The following FGFR2 variants were observed in gnomAD, a reference collection of about 807,000 sequenced individuals.
FGFR2 encodes the protein fibroblast growth factor receptor 2.
In FGFR2, 19 loss-of-function variants were observed where a neutral mutation model predicts 95.9. The ratio of observed to expected loss-of-function variants is 0.20; its 90% CI spans 0.14 to 0.29. FGFR2 has a LOEUF of 0.29. Among genes scored for constraint, FGFR2 ranks in the 10% least tolerant of loss-of-function variants. The probability of loss-of-function intolerance (pLI) is 1.00; values close to 1 mark genes in which losing one functional copy is unlikely to be tolerated. For missense variants in FGFR2, 707 were observed against 1,056.9 expected, an observed-to-expected ratio of 0.67 and a Z score of 4.59; for synonymous variants, 392 against 393.3, an observed-to-expected ratio of 1.00 and a Z score of 0.04.
At chr10:121,553,766 A>G (rs144459188) in intron 4 of FGFR2, among the ~76,000 whole-genome samples, 171 of 152,330 alleles carry the variant, frequency 1.1e-3, no homozygotes, top group African/African-American at 3.8e-3. Context: ...AAATCAACAG[A>G]TATGTGCTTA....
At chr10:121,586,215 G>C (rs1377430875) in intron 2 of FGFR2, among the ~76,000 whole-genome samples, 3 of 152,328 alleles carry the variant, frequency 2.0e-5, no homozygotes, top group East Asian at 1.9e-4. Flanking sequence ...AATTGATATA[G>C]AGTTTATTAA....
intron 9 of FGFR2, among the ~76,000 whole-genome samples, chr10:121,514,483 C>T (rs533192631): frequency 3.9e-5 from 6 of 152,270 alleles, no homozygotes; most frequent in African/African-American, 1.2e-4. Flanking sequence ...TGGTTCCATA[C>T]AAATATTCTA....
intron 15 of FGFR2, among the ~76,000 whole-genome samples, chr10:121,487,069 C>A (rs1443240110): frequency 6.6e-6 from 1 of 152,192 alleles, no homozygotes. Flanking sequence ...AATTAGATAA[C>A]CGCTTTGTAG....
chr10:121,548,265 T>G (rs1253480517), intron 5 of FGFR2, among the ~76,000 whole-genome samples: 1 of 135,346 alleles, frequency 7.4e-6, no homozygotes. Flanking sequence ...TTTTTTTTTT[T>G]TTTTTTTTTT....
At chr10:121,505,575 C>T (rs747446815) in intron 9 of FGFR2, among the ~76,000 whole-genome samples, 1 of 152,110 alleles carries the variant, frequency 6.6e-6, no homozygotes, top group Non-Finnish European at 1.5e-5. Context: ...CAGAAGCAAG[C>T]GGGAAAAGAC....
At chr10:121,537,690 T>C (rs1367037920) in intron 6 of FGFR2, among the ~76,000 whole-genome samples, 2 of 140,142 alleles carry the variant, frequency 1.4e-5, no homozygotes, top group Admixed American at 7.5e-5. Flanking sequence ...CAGCAGAAGA[T>C]AGCAACCTGT....
In FGFR2 at chr10:121,487,427, G is replaced by A. The variant is rs2133825521; in HGVS notation, c.1987-3C>T. 1 of 1,613,654 alleles carries A rather than the reference G, an allele frequency of 6.2e-7. No homozygotes were observed. Among genetic ancestry groups the A allele is most frequent in the Non-Finnish European group, 8.5e-7 (1 of 1,179,628 alleles). ...ATCCACTTGACTGGAAGCCGCCCCT[G>A]CAAATGTAGAGGAAAATGCAAAAAC... On this transcript the variant is annotated splice_region_variant and splice_polypyrimidine_tract_variant and intron_variant, in intron 14 of 17. Transcript: ENST00000358487.
chr10:121,535,230 G>A (rs1249382047), intron 6 of FGFR2, among the ~76,000 whole-genome samples: 1 of 152,196 alleles, frequency 6.6e-6, no homozygotes, highest in Non-Finnish European at 1.5e-5. Flanking sequence ...AGAACTGTAA[G>A]AGAATAGATT....
intron 2 of FGFR2, among the ~76,000 whole-genome samples, chr10:121,581,580 A>C (rs1367910106): frequency 1.1e-4 from 17 of 151,002 alleles, no homozygotes; most frequent in Admixed American, 1.1e-3. Context: ...TCTACCAAAA[A>C]AAAAAAAAAA....
At chr10:121,558,601 C>G (rs576653462) in intron 4 of FGFR2, among the ~76,000 whole-genome samples, 4 of 150,408 alleles carry the variant, frequency 2.7e-5, no homozygotes, top group Non-Finnish European at 4.4e-5. Context: ...TTAATAGATA[C>G]AGTTTTTTGT....
At chr10:121,562,782 C>A (rs1290584433) in intron 4 of FGFR2, among the ~76,000 whole-genome samples, 2 of 152,156 alleles carry the variant, frequency 1.3e-5, no homozygotes, top group African/African-American at 4.8e-5. Flanking sequence ...CAACCACACA[C>A]TTTGGGTGAT....
At chr10:121,535,338 C>T (rs1233375431) in intron 6 of FGFR2, among the ~76,000 whole-genome samples, 4 of 152,206 alleles carry the variant, frequency 2.6e-5, no homozygotes, top group African/African-American at 9.6e-5. Flanking sequence ...ATCATCATTC[C>T]GATTTTACTG....
chr10:121,482,082 C>T (rs2133733404), intron 17 of FGFR2: 3 of 1,108,184 alleles, frequency 2.7e-6, no homozygotes, highest in Middle Eastern at 2.0e-4. Flanking sequence ...CATGATCCGC[C>T]TGCCTCGGCC....
chr10:121,512,947 G>A (rs1849248583), intron 9 of FGFR2, among the ~76,000 whole-genome samples: 1 of 152,004 alleles, frequency 6.6e-6, no homozygotes, highest in African/African-American at 2.4e-5. Flanking sequence ...TTGGCTCATT[G>A]CAACCTCCAC....
intron 2 of FGFR2, among the ~76,000 whole-genome samples, chr10:121,585,628 A>G (rs1861705489): frequency 6.6e-6 from 1 of 152,220 alleles, no homozygotes; most frequent in Admixed American, 6.5e-5. Context: ...CCTACCTCCC[A>G]AGGTCAAGTT....
At chr10:121,551,678 GA>G (rs955985584) in intron 4 of FGFR2, among the ~76,000 whole-genome samples, 129 of 142,576 alleles carry the variant, frequency 9.0e-4, no homozygotes, top group Middle Eastern at 3.7e-3. Flanking sequence ...CCAACAGGAA[GA>G]AAAAAAAAAA....
At chr10:121,574,160 G>C (rs1458557878) in intron 2 of FGFR2, among the ~76,000 whole-genome samples, 1 of 152,098 alleles carries the variant, frequency 6.6e-6, no homozygotes, top group Non-Finnish European at 1.5e-5. Context: ...AGGGTTTCTG[G>C]AAGAGCCCAG....
intron 13 of FGFR2, among the ~76,000 whole-genome samples, 171 bp downstream of exon 13, chr10:121,496,361 G>GT (rs1234096936): frequency 6.6e-6 from 1 of 152,146 alleles, no homozygotes; most frequent in Non-Finnish European, 1.5e-5. Context: ...GGCTGCTTTG[G>GT]TTTTAAACAG....
At chr10:121,538,347 C>T (rs781321083) in intron 6 of FGFR2, 1 of 786,682 alleles carries the variant, frequency 1.3e-6, no homozygotes, top group African/African-American at 1.7e-5. Flanking sequence ...CATACCACGT[C>T]CACTTTACAC....
Sources: allele counts gnomAD v4.1 joint callset (sites outside exome capture counted in the v4.1 genomes callset), GRCh38; gene constraint gnomAD v4.1.1; transcripts MANE v1.5; gene names NCBI Gene and HGNC (gene_info 2026-07-23, HGNC 2026-07-21).